The following CAPN14 variants were observed in gnomAD, a reference collection of about 807,000 sequenced individuals.
CAPN14 encodes calpain-14.
Under a neutral mutation model 101.3 loss-of-function variants are expected in CAPN14, and 94 were observed. The observed-to-expected ratio is 0.93, with a 90% CI of 0.79 to 1.10. The LOEUF is 1.10. Among genes scored for constraint, CAPN14 ranks in the 50% least tolerant of loss-of-function variants. CAPN14 has a pLI of 0.00. For synonymous variants in CAPN14, 338 were observed against 317.9 expected (o/e 1.06, Z -0.67); for missense variants, 837 against 828.4 (o/e 1.01, Z -0.13).
At chr2:31,174,938 T>G (rs1309269220) in intron 21 of CAPN14, among the ~76,000 whole-genome samples, 1 of 152,186 alleles carries the variant, frequency 6.6e-6, no homozygotes, top group Admixed American at 6.5e-5. Flanking sequence ...CTGTATTCAG[T>G]TCTCAATGAA....
Position 31,173,226 on chromosome 2 carries a change from C to T in CAPN14, c.*1455G>A, listed in dbSNP as rs537535192. The T allele has an allele frequency of 6.6e-6, 1 of 152,126 alleles. No homozygotes were observed. Among genetic ancestry groups the T allele is most frequent in the Non-Finnish European group, 1.5e-5 (1 of 68,022 alleles). The allele number at this position is 152,126 out of a possible 1,614,324, so 9.4% of individuals were successfully genotyped here. On this transcript the variant is annotated 3_prime_UTR_variant, in exon 22 of 22. Transcript: ENST00000403897. The stretch of plus-strand genomic sequence containing the variant: ...TCATGTATCTGGCACTTTATGGAAA[C>T]CCATTTTACATTTTATCATTTGGAA...
upstream of CAPN14, among the ~76,000 whole-genome samples, chr2:31,221,206 T>C (rs1262296183): frequency 6.6e-6 from 1 of 152,226 alleles, no homozygotes; most frequent in East Asian, 1.9e-4. Flanking sequence ...GAAGGGTGTT[T>C]TCCTAAGTTA....
At chr2:31,221,777 A>G (rs181770585), upstream of CAPN14, among the ~76,000 whole-genome samples, 1 of 152,330 alleles carries the variant, frequency 6.6e-6, no homozygotes, top group African/African-American at 2.4e-5. Flanking sequence ...TAAATAAACC[A>G]TGACTAATTT....
chr2:31,197,053 T>A (rs1045853421), intron 8 of CAPN14, among the ~76,000 whole-genome samples, 196 bp downstream of exon 8: 1 of 152,224 alleles, frequency 6.6e-6, no homozygotes, highest in Non-Finnish European at 1.5e-5. Flanking sequence ...TCAGCTTTAA[T>A]TATTATAATG....
chr2:31,174,623 A>G lies in CAPN14; in HGVS notation c.*58T>C. On this transcript the variant is annotated 3_prime_UTR_variant, in exon 22 of 22. Transcript: ENST00000403897. ...GTGGGCATGGGTTGGTCTCAGCCAA[A>G]GGCTGCTCTTGGGCCACATGCAGAG... The G allele has an allele frequency of 6.5e-7, 1 of 1,543,554 alleles. No individual in the cohort carries two copies. The highest frequency in any genetic ancestry group is 2.0e-5 in the Admixed American group (1 of 50,990).
intron 12 of CAPN14, chr2:31,189,760 T>G: frequency 3.8e-6 from 2 of 519,624 alleles, no homozygotes; most frequent in Admixed American, 2.3e-5. Flanking sequence ...GTGAGGAATG[T>G]CCCTGTGCCT....
chr2:31,190,812 T>C (rs948624487), intron 12 of CAPN14, among the ~76,000 whole-genome samples: 5 of 152,210 alleles, frequency 3.3e-5, no homozygotes, highest in Admixed American at 6.5e-5. Context: ...TTTACTCCTG[T>C]TTTCTTTGGG....
intron 1 of CAPN14, among the ~76,000 whole-genome samples, chr2:31,213,731 G>T (rs1473200859): frequency 1.3e-5 from 2 of 152,154 alleles, no homozygotes; most frequent in African/African-American, 4.8e-5. Flanking sequence ...TGCAAATGTG[G>T]CCTGCAGTTT....
intron 8 of CAPN14, 75 bp from the exon 9 acceptor site, chr2:31,194,558 A>G: frequency 1.1e-6 from 1 of 900,050 alleles, no homozygotes; most frequent in Admixed American, 2.2e-5. Context: ...CTATAGTGTC[A>G]TTATTTATTA....
chr2:31,173,379 A>C lies in CAPN14; in HGVS notation c.*1302T>G, dbSNP rs1476638215. 6.6e-6 allele frequency: 1 copy of C among 152,214 alleles called. No individual in the cohort carries two copies. Among genetic ancestry groups the C allele is most frequent in the African/African-American group, 2.4e-5 (1 of 41,446 alleles). 9.4% of individuals were successfully genotyped at this position (152,214 alleles called of 1,614,324 possible). ...TCAAATCTCCTTTAGTCCTCTGCCA[A>C]TGGACACACTTTTATCTCTTCATTC... On this transcript the variant is annotated 3_prime_UTR_variant, in exon 22 of 22. Transcript: ENST00000403897.
intron 13 of CAPN14, among the ~76,000 whole-genome samples, 166 bp downstream of exon 13, chr2:31,189,107 C>T (rs748505599): frequency 2.0e-5 from 3 of 152,172 alleles, no homozygotes; most frequent in African/African-American, 2.4e-5. Context: ...TGGGAAGGAA[C>T]GGGAGGGATG....
At position 31,193,276 on chromosome 2, in the gene CAPN14, A is replaced by C; in HGVS notation, c.969T>G (p.Phe323Leu). Residue 323 changes from phenylalanine (F) to leucine (L), a missense_variant, in exon 10 of 22, where the codon TTT (phenylalanine) becomes TTG (leucine). By Grantham distance (22) the Phe-to-Leu change is conservative. Coordinates refer to ENST00000403897, the MANE Select transcript of CAPN14 (RefSeq NM_001145122.2). Reference sequence around the variant, plus strand: ...TAACCAGGAGCACGAAATGTGTTTTAAAGTCCTGCAGCGTCATCCTGTGGA... The same window carrying C: ...TAACCAGGAGCACGAAATGTGTTTTCAAGTCCTGCAGCGTCATCCTGTGGA... ...DGEFWMTLQD[F>L]KTHFVLLVIC... The C allele has an allele frequency of 6.4e-7, 1 of 1,551,776 alleles. No individual in the cohort carries two copies. The highest frequency in any genetic ancestry group is 8.7e-7 in the Non-Finnish European group (1 of 1,147,026).
upstream of CAPN14, among the ~76,000 whole-genome samples, chr2:31,218,107 T>C (rs1324046826): frequency 6.6e-6 from 1 of 152,158 alleles, no homozygotes; most frequent in East Asian, 1.9e-4. Context: ...ACTCAGAACA[T>C]TGACCTCCCA....
chr2:31,222,892 T>C (rs931772330), intron 2 of CAPN14, among the ~76,000 whole-genome samples: 2 of 152,082 alleles, frequency 1.3e-5, no homozygotes, highest in African/African-American at 4.8e-5. Context: ...ATCATGAGGG[T>C]GGAGCAATGA....
upstream of CAPN14, chr2:31,233,886 C>T (rs1405324789): frequency 2.0e-5 from 3 of 152,412 alleles, no homozygotes; most frequent in Non-Finnish European, 4.4e-5. Flanking sequence ...GCAGCCGTCC[C>T]TGAGAGGGCG....
At chr2:31,204,284 A>G (rs1681956410) in intron 2 of CAPN14, among the ~76,000 whole-genome samples, 1 of 152,232 alleles carries the variant, frequency 6.6e-6, no homozygotes, top group Admixed American at 6.5e-5. Flanking sequence ...GATCAATGAC[A>G]GTAAGACCTG....
At chr2:31,208,167 A>T (rs1489539899) in intron 1 of CAPN14, among the ~76,000 whole-genome samples, 1 of 150,982 alleles carries the variant, frequency 6.6e-6, no homozygotes, top group Admixed American at 6.6e-5. Context: ...GACTCCAAAA[A>T]AAAACTCCAA....
intron 8 of CAPN14, among the ~76,000 whole-genome samples, chr2:31,194,922 A>C (rs1681388721): frequency 6.6e-6 from 1 of 152,208 alleles, no homozygotes; most frequent in Admixed American, 6.5e-5. Context: ...AATATGAGAA[A>C]CTGTTTTCAG....
chr2:31,225,161 T>G (rs188626266), intron 2 of CAPN14, among the ~76,000 whole-genome samples: 1 of 151,864 alleles, frequency 6.6e-6, no homozygotes, highest in Admixed American at 6.6e-5. Context: ...AGGGAAAAAA[T>G]AGACAATCAG....
Sources: allele counts gnomAD v4.1 joint callset (sites outside exome capture counted in the v4.1 genomes callset), GRCh38; gene constraint gnomAD v4.1.1; transcripts MANE v1.5; gene names NCBI Gene and HGNC (gene_info 2026-07-23, HGNC 2026-07-21).